Variants in MASP2 observed in about 807,000 individuals in gnomAD.
MASP2 encodes the protein MBL associated serine protease 2, also known as mannan-binding lectin serine protease 2.
MASP2 carries 49 observed loss-of-function variants against 57.1 expected under a neutral mutation model. That is an observed-to-expected ratio of 0.86 (90% CI 0.68 to 1.09). The LOEUF is 1.09. Ranked by LOEUF, MASP2 falls within the 50% of genes least tolerant of loss-of-function variation. The pLI, the probability that MASP2 is intolerant of heterozygous loss-of-function variation, is 0.00. For synonymous variants in MASP2, 379 were observed against 340.8 expected (o/e 1.11, Z -1.24); for missense variants, 900 against 874.8 (o/e 1.03, Z -0.36).
chr1:11,030,092 C>G, intron 10 of MASP2, 84 bp downstream of exon 10: 1 of 956,036 alleles, frequency 1.0e-6, no homozygotes, highest in Non-Finnish European at 1.6e-6. Flanking sequence ...TTTCTGCCTA[C>G]CACAGCTAAA....
At chr1:11,031,342 T>C (rs570969807) in intron 8 of MASP2, among the ~76,000 whole-genome samples, 1 of 150,096 alleles carries the variant, frequency 6.7e-6, no homozygotes, top group South Asian at 2.1e-4. Flanking sequence ...GCTAACACGG[T>C]GAAACCCCGT....
chr1:11,045,429 G>T lies in MASP2; in HGVS notation c.523C>A (p.Arg175Ser). ...TCACCTGAGCAGGTGCGCTTGTTAC[G>T]GTGCAGGACGTAGCCTGCGCGGCAG... ...CSCRAGYVLH[R>S]NKRTCSALCS... is the part of the protein sequence containing the mutation. The change falls in exon 4 of 11, where the codon CGT becomes AGT. Residue 175 changes from arginine (R) to serine (S), a missense_variant. By Grantham distance (110) the Arg-to-Ser change is moderately radical. Transcript: ENST00000400897. The T allele has an allele frequency of 1.2e-6, 2 of 1,613,282 alleles. No individual in the cohort carries two copies. Among genetic ancestry groups the T allele is most frequent in the Non-Finnish European group, 1.7e-6 (2 of 1,179,984 alleles).
At chr1:11,029,763 C>A in intron 10 of MASP2, 1 of 154,570 alleles carries the variant, frequency 6.5e-6, no homozygotes, top group Non-Finnish European at 1.4e-5. Flanking sequence ...CTCAGCCGCT[C>A]GAGTAGCTGG....
At chr1:11,037,130 G>A (rs548653676) in intron 7 of MASP2, among the ~76,000 whole-genome samples, 4 of 152,196 alleles carry the variant, frequency 2.6e-5, no homozygotes, top group African/African-American at 7.2e-5. Flanking sequence ...TCGGCTCACC[G>A]CAACCTGCGC....
rs1172048780 is a variant in MASP2, at chr1:11,042,861, A to G, written c.889+14T>C. On this transcript the variant is annotated intron_variant, in intron 6 of 10. Coordinates refer to ENST00000400897, the MANE Select transcript of MASP2 (RefSeq NM_006610.4). ...TCTGCGCTTCCAGCCAAGATCTGAG[A>G]CCCACTTGCTCACCTGTGCTCGTGT... 13 of 1,613,040 alleles carry G rather than the reference A, an allele frequency of 8.1e-6. No homozygotes were observed. In the East Asian group the frequency reaches 2.7e-4, roughly 33 times the overall value.
At chr1:11,037,122 G>C (rs1215435865) in intron 7 of MASP2, among the ~76,000 whole-genome samples, 1 of 151,910 alleles carries the variant, frequency 6.6e-6, no homozygotes, top group African/African-American at 2.4e-5. Context: ...GTGTGATTTC[G>C]GCTCACCGCA....
chr1:11,037,232 A>C (rs1366414302), intron 7 of MASP2, among the ~76,000 whole-genome samples: 1 of 149,208 alleles, frequency 6.7e-6, no homozygotes, highest in African/African-American at 2.6e-5. Flanking sequence ...TTTTTAGTGG[A>C]GACGGGGCTA....
chr1:11,030,339 C>A (rs982714793), intron 9 of MASP2, 89 bp from the exon 10 acceptor site: 2 of 905,392 alleles, frequency 2.2e-6, no homozygotes, highest in Non-Finnish European at 1.8e-6. Flanking sequence ...AATGTTGATT[C>A]TTGAGCATCA....
intron 5 of MASP2, 155 bp from the exon 6 acceptor site, chr1:11,043,177 T>G: frequency 1.0e-6 from 1 of 988,410 alleles, no homozygotes; most frequent in Admixed American, 2.4e-5. Context: ...CTCCCACACT[T>G]GTACTCGAAG....
Position 11,030,771 on chromosome 1 carries a change from A to G in MASP2, c.1199T>C (p.Phe400Ser). 6.2e-7 allele frequency: 1 copy of G among 1,611,642 alleles called. No homozygotes were observed. Among genetic ancestry groups the G allele is most frequent in the Non-Finnish European group, 8.5e-7 (1 of 1,179,490 alleles). ...AVIQYSCEET[F>S]YTMKVNDGKY... is the part of the protein sequence containing the mutation. ...ACCATCATTCACTTTCATTGTGTAG[A>G]AGGTCTCTTCACAGCTGTACTGAAT... Residue 400 changes from phenylalanine to serine, a missense_variant, in exon 9 of 11, where the codon TTC (phenylalanine) becomes TCC (serine). Phe to Ser is a radical substitution (Grantham distance 155, BLOSUM62 -2). Transcript: ENST00000400897.
intron 10 of MASP2, among the ~76,000 whole-genome samples, chr1:11,028,702 T>TTTTTTGTTTG (rs1557665441): frequency 9.1e-6 from 1 of 109,750 alleles, no homozygotes; most frequent in Non-Finnish European, 1.7e-5. Flanking sequence ...TCTGGGTTTT[T>TTTTTTGTTTG]TTTCTTTTTT....
At chr1:11,029,283 A>T (rs552111138) in intron 10 of MASP2, among the ~76,000 whole-genome samples, 5 of 151,100 alleles carry the variant, frequency 3.3e-5, no homozygotes, top group Middle Eastern at 6.8e-3. Flanking sequence ...TACAGGCGTG[A>T]GCCACCATGC....
chr1:11,045,325 C>A (rs1259832030), intron 4 of MASP2, 83 bp downstream of exon 4: 2 of 1,596,154 alleles, frequency 1.3e-6, no homozygotes, highest in Non-Finnish European at 1.7e-6. Flanking sequence ...GCCCTCCGCA[C>A]CCCTGGGCAG....
chr1:11,044,965 A>C (rs1303659846), intron 4 of MASP2: 1 of 1,610,188 alleles, frequency 6.2e-7, no homozygotes, highest in South Asian at 1.1e-5. Context: ...TGGAAGAGAG[A>C]TCAGAGAGGC....
At chr1:11,034,743 A>G (rs1035744329) in intron 8 of MASP2, 85 bp downstream of exon 8, 36 of 900,266 alleles carry the variant, frequency 4.0e-5, no homozygotes, top group Non-Finnish European at 5.5e-5. Context: ...TAAACAGAAA[A>G]CCAGAGAAGC....
intron 4 of MASP2, 23 bp from the exon 5 acceptor site, chr1:11,043,558 A>G: frequency 6.4e-7 from 1 of 1,563,352 alleles, no homozygotes; most frequent in African/African-American, 1.4e-5. Flanking sequence ...AAGGCAGGGG[A>G]GTGACTTGGC....
chr1:11,026,693 AGTC>A lies in MASP2; in HGVS notation c.*189_*191del. 3 of 427,492 alleles carry A rather than the reference AGTC, an allele frequency of 7.0e-6. No homozygotes were observed. The allele number at this position is 427,492 out of a possible 1,614,324, so 26.5% of individuals were successfully genotyped here. A position where few individuals can be genotyped will look rare whatever the true frequency, so the allele number is the denominator to read the frequency against. ...CACTCTCGTGGTTTATGTCCCCTTG[AGTC>A]AATGGGTAAGGCTGGAATTAAACTG... is the stretch of plus-strand genomic sequence containing the variant. On this transcript the variant is annotated 3_prime_UTR_variant, in exon 11 of 11. Transcript: ENST00000400897.
chr1:11,040,469 A>T (rs1466674880), intron 6 of MASP2, among the ~76,000 whole-genome samples: 10 of 150,224 alleles, frequency 6.7e-5, no homozygotes, highest in Middle Eastern at 3.4e-3. Context: ...TTTGTCTAAA[A>T]AAAAAAAAAA....
intron 3 of MASP2, chr1:11,046,061 G>A (rs988504671): frequency 4.7e-6 from 1 of 213,268 alleles, no homozygotes; most frequent in Non-Finnish European, 9.5e-6. Context: ...CGCCCAGGCT[G>A]GAGTGTAGTG....
Sources: allele counts gnomAD v4.1 joint callset (sites outside exome capture counted in the v4.1 genomes callset), GRCh38; gene constraint gnomAD v4.1.1; transcripts MANE v1.5; gene names NCBI Gene and HGNC (gene_info 2026-07-23, HGNC 2026-07-21).